The following VPS16 variants were observed in gnomAD, a reference collection of about 807,000 sequenced individuals.
The protein encoded by VPS16 is VPS16 core subunit of CORVET and HOPS complexes.
In VPS16, 82 loss-of-function variants were observed where a neutral mutation model predicts 116.0. That is an observed-to-expected ratio of 0.71 (90% CI 0.59 to 0.85). The LOEUF (loss-of-function observed/expected upper bound fraction) is 0.85, where lower values mean the gene tolerates loss of function less well. VPS16 is among the 40% of genes least tolerant of loss of function. VPS16 has a pLI of 0.00. For synonymous variants in VPS16, 406 were observed against 420.7 expected (o/e 0.96, Z 0.43); for missense variants, 928 against 1,090.6 (o/e 0.85, Z 2.10).
At chr20:2,857,545 C>T (rs2089185078) in intron 1 of VPS16, among the ~76,000 whole-genome samples, 1 of 148,918 alleles carries the variant, frequency 6.7e-6, no homozygotes. Context: ...CTCACTCTGT[C>T]GCCCAGGCAG....
chr20:2,843,288 C>T (rs1043795900), intron 1 of VPS16, among the ~76,000 whole-genome samples: 4 of 152,040 alleles, frequency 2.6e-5, no homozygotes, highest in South Asian at 2.1e-4. Context: ...AAAAATTTGC[C>T]GGGCGTGGTG....
At chr20:2,842,158 C>T (rs982855283) in intron 1 of VPS16, among the ~76,000 whole-genome samples, 16 of 151,976 alleles carry the variant, frequency 1.1e-4, no homozygotes, top group Admixed American at 7.2e-4. Flanking sequence ...TTTACTGGGC[C>T]GAGCTTTGTG....
chr20:2,862,640 A>T lies in VPS16; in HGVS notation c.1133A>T (p.Gln378Leu). ...ATCCAGGAGCTGGGCCAGCTGACCC[A>T]GGCCGTGCAGCAGTGCATTGAGGCT... ...REIQELGQLT[Q>L]AVQQCIEAAG... Residue 378 changes from glutamine to leucine, a missense_variant, in exon 12 of 24, where the codon CAG (glutamine) becomes CTG (leucine). Transcript: ENST00000380445. 3.1e-6 allele frequency: 5 copies of T among 1,612,678 alleles called. No individual in the cohort carries two copies. The highest frequency in any genetic ancestry group is 4.2e-6 in the Non-Finnish European group (5 of 1,179,800).
intron 1 of VPS16, among the ~76,000 whole-genome samples, chr20:2,843,881 G>A (rs2089033364): frequency 6.6e-6 from 1 of 152,240 alleles, no homozygotes; most frequent in Non-Finnish European, 1.5e-5. Context: ...GCTTGCTGGG[G>A]AGGATATTTA....
intron 1 of VPS16, among the ~76,000 whole-genome samples, chr20:2,844,665 A>G (rs1184437070): frequency 1.3e-5 from 2 of 152,226 alleles, no homozygotes; most frequent in Non-Finnish European, 2.9e-5. Flanking sequence ...AGAACATGTT[A>G]CAGACTCCAG....
In VPS16 at chr20:2,863,238, C is replaced by T; in HGVS notation, c.1368-52C>T. 6 of 1,612,188 alleles carry T rather than the reference C, an allele frequency of 3.7e-6. No homozygotes were observed. The highest frequency in any genetic ancestry group is 5.1e-6 in the Non-Finnish European group (6 of 1,178,432). ...ATGTGCAGGCTGAGGCCACTCTGCT[C>T]CCTTTCTCCTCCACCTCACTCCTTG... On this transcript the variant is annotated intron_variant, in intron 14 of 23. Coordinates refer to ENST00000380445, the MANE Select transcript of VPS16 (RefSeq NM_022575.4). The surrounding 1 kb of genome is among the most constrained non-coding windows in gnomAD (Gnocchi z 4.4).
At chr20:2,851,196 C>T (rs2089116990) in intron 1 of VPS16, among the ~76,000 whole-genome samples, 1 of 152,138 alleles carries the variant, frequency 6.6e-6, no homozygotes, top group Admixed American at 6.5e-5. Flanking sequence ...AAGCAACCCT[C>T]TGAGGCCACA....
In VPS16 at chr20:2,864,130, G is replaced by A. The variant is rs201588006; in HGVS notation, c.1611+47G>A. On this transcript the variant is annotated intron_variant, in intron 16 of 23. Transcript: ENST00000380445. This position sits in a 1 kb window ranked among gnomAD's most constrained non-coding sequence, Gnocchi z 5.2. ...CAGACACTCTGATGTGGTTGTTCAG[G>A]GCCCCCATGCCAGCTCCTTCTCTCT... The A allele has an allele frequency of 2.4e-4, 394 of 1,613,796 alleles. 3 individuals carry two copies. The East Asian group carries it at 8.1e-3, about 33-fold the overall frequency.
intron 1 of VPS16, among the ~76,000 whole-genome samples, chr20:2,858,226 C>T (rs925088845): frequency 1.3e-5 from 2 of 152,088 alleles, no homozygotes; most frequent in African/African-American, 2.4e-5. Context: ...CCCCAAGTAG[C>T]TGGCATGCTA....
chr20:2,853,849 T>A (rs1384485123), intron 1 of VPS16, among the ~76,000 whole-genome samples: 1 of 151,868 alleles, frequency 6.6e-6, no homozygotes, highest in Non-Finnish European at 1.5e-5. Flanking sequence ...ATTTTTATAT[T>A]TTTAGTAGAG....
intron 1 of VPS16, among the ~76,000 whole-genome samples, chr20:2,851,778 G>A (rs557127703): frequency 1.3e-5 from 2 of 152,130 alleles, no homozygotes; most frequent in South Asian, 4.1e-4. Context: ...GACCATCCTG[G>A]CTAACACGGT....
intron 1 of VPS16, among the ~76,000 whole-genome samples, chr20:2,844,316 T>A: frequency 6.6e-6 from 1 of 152,256 alleles, no homozygotes; most frequent in African/African-American, 2.4e-5. Flanking sequence ...ACATTACATT[T>A]CAAGTCCTAT....
At position 2,866,474 on chromosome 20, in the gene VPS16, A is replaced by T. The variant is rs1261229749; in HGVS notation, c.2420A>T (p.Glu807Val). Residue 807 changes from glutamate (E) to valine (V), a missense_variant, in exon 24 of 24, where the codon GAG becomes GTG. Physicochemically the swap from Glu to Val is moderately radical, Grantham distance 121. Transcript: ENST00000380445. ...GATGTGGCCATCGAACACCGGAATG[A>T]GGCTGAGCTGAGCCTCGTATTGTCC... ...AADVAIEHRN[E>V]AELSLVLSHC... 1 of 1,614,052 alleles carries T rather than the reference A, an allele frequency of 6.2e-7. No individual in the cohort carries two copies. Among genetic ancestry groups the T allele is most frequent in the Non-Finnish European group, 8.5e-7 (1 of 1,180,036 alleles).
At chr20:2,847,007 A>C (rs1568622546) in intron 1 of VPS16, among the ~76,000 whole-genome samples, 1 of 152,048 alleles carries the variant, frequency 6.6e-6, no homozygotes, top group Non-Finnish European at 1.5e-5. Context: ...GCCTCTCTTC[A>C]CAGAGTCCTC....
In VPS16 at chr20:2,851,663, A is replaced by C. The variant is rs74940117; in HGVS notation, c.54-8056A>C. Among the ~76,000 whole-genome samples the C allele has an allele frequency of 6.3e-3, 739 of 117,102 alleles. 7 individuals carry two copies. The highest frequency in any genetic ancestry group is 0.034 in the African/African-American group (710 of 20,898). The allele number at this position is 117,102 out of a possible 152,430, so 76.8% of individuals were successfully genotyped here. Reference sequence around the variant, plus strand: ...GGCAACAAGAGCAAAACTCCGTCTCAAAAAAAAAAAACAAAAAACACACAG... The same window carrying C: ...GGCAACAAGAGCAAAACTCCGTCTCCAAAAAAAAAAACAAAAAACACACAG... On this transcript the variant is annotated intron_variant, in intron 1 of 23. Transcript: ENST00000380445.
intron 9 of VPS16, 46 bp from the exon 10 acceptor site, chr20:2,861,759 C>T (rs1480288634): frequency 7.4e-6 from 12 of 1,611,034 alleles, no homozygotes; most frequent in Non-Finnish European, 9.3e-6. Flanking sequence ...GGTTCACCTG[C>T]CCCGTCCCAT....
intron 1 of VPS16, among the ~76,000 whole-genome samples, chr20:2,843,491 T>TC (rs1228738026): frequency 6.6e-6 from 1 of 152,064 alleles, no homozygotes; most frequent in East Asian, 1.9e-4. Flanking sequence ...TGCAAAAACT[T>TC]CATTAAAAAT....
At chr20:2,861,594 G>C (rs2089228276) in intron 8 of VPS16, 21 bp from the exon 9 acceptor site, 1 of 1,598,126 alleles carries the variant, frequency 6.3e-7, no homozygotes, top group African/African-American at 1.3e-5. Flanking sequence ...TGTCTAGCCA[G>C]TGTGTATATG....
intron 11 of VPS16, 99 bp downstream of exon 11, chr20:2,862,229 T>G (rs1026440714): frequency 1.4e-6 from 2 of 1,395,954 alleles, no homozygotes; most frequent in Non-Finnish European, 2.0e-6. Flanking sequence ...AAGAGAGGGG[T>G]CCAGGCAGGA....
Sources: allele counts gnomAD v4.1 joint callset (sites outside exome capture counted in the v4.1 genomes callset), GRCh38; gene constraint gnomAD v4.1.1; non-coding constraint Gnocchi (gnomAD v3.1); transcripts MANE v1.5; gene names NCBI Gene and HGNC (gene_info 2026-07-23, HGNC 2026-07-21).